The following LSAMP variants were observed in gnomAD, a reference collection of about 807,000 sequenced individuals.
LSAMP encodes limbic system associated membrane protein, also known as limbic system-associated membrane protein.
A neutral mutation model predicts 38.6 loss-of-function variants in LSAMP; 7 were observed. That is an observed-to-expected ratio of 0.18 (90% CI 0.10 to 0.34). LSAMP has a LOEUF of 0.34. Ranked by LOEUF, LSAMP falls within the 10% of genes least tolerant of loss-of-function variation. The probability of loss-of-function intolerance (pLI) is 1.00; values close to 1 mark genes in which losing one functional copy is unlikely to be tolerated. For missense variants in LSAMP, 313 were observed against 420.0 expected (o/e 0.75, Z 2.23); for synonymous variants, 154 against 166.8 (o/e 0.92, Z 0.59).
intron 4 of LSAMP, among the ~76,000 whole-genome samples, chr3:115,844,852 C>G (rs1935105473): frequency 6.6e-6 from 1 of 152,088 alleles, no homozygotes; most frequent in Non-Finnish European, 1.5e-5. Context: ...TGGTGTGTAC[C>G]TGTAGTCCCA....
chr3:116,254,904 A>G (rs78345877), intron 1 of LSAMP, among the ~76,000 whole-genome samples: 8 of 152,310 alleles, frequency 5.3e-5, no homozygotes, highest in Non-Finnish European at 1.2e-4. Flanking sequence ...TATCCTCGGA[A>G]TTGATTTCTG....
At chr3:116,110,716 G>T (rs1708588962) in intron 1 of LSAMP, among the ~76,000 whole-genome samples, 1 of 152,148 alleles carries the variant, frequency 6.6e-6, no homozygotes, top group Non-Finnish European at 1.5e-5. Context: ...GTCATAGGTG[G>T]ATCTTTCTCA....
intron 2 of LSAMP, among the ~76,000 whole-genome samples, chr3:116,074,162 G>T (rs1327687887): frequency 6.6e-6 from 1 of 152,096 alleles, no homozygotes; most frequent in East Asian, 1.9e-4. Context: ...CTAATTCTAA[G>T]GTAGGTGCAC....
rs996848197 is a variant in LSAMP at position 116,009,846 on chromosome 3, C to A, written c.514+9669G>T. Among the ~76,000 whole-genome samples the A allele has an allele frequency of 5.3e-5, 8 of 151,792 alleles. No homozygotes were observed. The South Asian group carries it at 6.2e-4, about 12-fold the overall frequency. Reference sequence around the variant, plus strand: ...CGTGATAGTGTTGAGATCCTTGTCACCACATACATAAAGAAAAAAAAAATC... The same window carrying A: ...CGTGATAGTGTTGAGATCCTTGTCAACACATACATAAAGAAAAAAAAAATC... On this transcript the variant is annotated intron_variant, in intron 3 of 6. Coordinates refer to ENST00000490035, the MANE Select transcript of LSAMP (RefSeq NM_002338.5).
At chr3:115,840,571 TCA>T (rs1934965141) in intron 6 of LSAMP, among the ~76,000 whole-genome samples, 1 of 152,176 alleles carries the variant, frequency 6.6e-6, no homozygotes, top group Non-Finnish European at 1.5e-5. Flanking sequence ...CATCAAACTG[TCA>T]CAGACTGAAG....
chr3:116,173,015 T>C (rs951542119), intron 1 of LSAMP, among the ~76,000 whole-genome samples: 3 of 152,042 alleles, frequency 2.0e-5, no homozygotes, highest in Non-Finnish European at 4.4e-5. Flanking sequence ...TAAATAGTGC[T>C]ATCCACTAAA....
intron 3 of LSAMP, among the ~76,000 whole-genome samples, chr3:115,949,362 A>G (rs187925290): frequency 3.3e-5 from 5 of 152,124 alleles, no homozygotes; most frequent in Admixed American, 3.3e-4. Context: ...CTAATGGTCT[A>G]TCAATTTTGT....
At chr3:116,163,635 C>T (rs921142497) in intron 1 of LSAMP, among the ~76,000 whole-genome samples, 4 of 151,948 alleles carry the variant, frequency 2.6e-5, no homozygotes, top group Non-Finnish European at 4.4e-5. Context: ...AGTTCTAGAT[C>T]CCTGAGGAAT....
At chr3:116,405,188 G>A (rs2048884414) in intron 1 of LSAMP, among the ~76,000 whole-genome samples, 1 of 152,268 alleles carries the variant, frequency 6.6e-6, no homozygotes, top group South Asian at 2.1e-4. Context: ...GTGAGTAGGA[G>A]GCTGGAGTAA....
At chr3:116,108,616 CAG>C (rs1468263790) in intron 1 of LSAMP, among the ~76,000 whole-genome samples, 1 of 152,158 alleles carries the variant, frequency 6.6e-6, no homozygotes, top group Non-Finnish European at 1.5e-5. Context: ...GGGAAGGAGT[CAG>C]AGAGCCTTGG....
intron 2 of LSAMP, among the ~76,000 whole-genome samples, chr3:116,056,525 A>G (rs2107740745): frequency 6.6e-6 from 1 of 152,314 alleles, no homozygotes; most frequent in East Asian, 1.9e-4. Flanking sequence ...GAAAGTAGAA[A>G]GCACAGAATA....
intron 1 of LSAMP, among the ~76,000 whole-genome samples, chr3:116,113,404 A>ATTT (rs1708662101): frequency 1.5e-5 from 1 of 66,980 alleles, no homozygotes; most frequent in African/African-American, 5.6e-5. Flanking sequence ...TTTGCCCTAT[A>ATTT]TATATATATA....
At chr3:115,869,968 T>C (rs1315643875) in intron 3 of LSAMP, among the ~76,000 whole-genome samples, 2 of 152,096 alleles carry the variant, frequency 1.3e-5, no homozygotes, top group African/African-American at 4.8e-5. Flanking sequence ...ATGAGCCAAA[T>C]TTGATCTGAG....
At position 115,911,504 on chromosome 3, in the gene LSAMP, A is replaced by G. The variant is rs1937134727; in HGVS notation, c.515-58887T>C. Among the ~76,000 whole-genome samples the G allele has an allele frequency of 2.0e-5, 3 of 152,114 alleles. No individual in the cohort carries two copies. In the South Asian group the frequency reaches 6.2e-4, roughly 32 times the overall value. ...GTAGCTGGGACTACAGGTGCCTGCC[A>G]CCACGCCTGGCTAATTTTTTGTAGA... is the stretch of plus-strand genomic sequence containing the variant. On this transcript the variant is annotated intron_variant, in intron 3 of 6. Transcript: ENST00000490035.
chr3:115,993,216 A>G (rs1437131244), intron 3 of LSAMP, among the ~76,000 whole-genome samples: 1 of 152,100 alleles, frequency 6.6e-6, no homozygotes, highest in Non-Finnish European at 1.5e-5. Context: ...AAGCCCCCTA[A>G]GTTTTTCTAG....
At chr3:116,273,951 A>G (rs2047014259) in intron 1 of LSAMP, among the ~76,000 whole-genome samples, 1 of 151,662 alleles carries the variant, frequency 6.6e-6, no homozygotes, top group African/African-American at 2.4e-5. Context: ...CCAGAGGACC[A>G]CTAAGGTTCC....
intron 3 of LSAMP, among the ~76,000 whole-genome samples, chr3:115,934,297 G>T (rs558210949): frequency 5.9e-5 from 9 of 151,620 alleles, no homozygotes; most frequent in Admixed American, 2.0e-4. Flanking sequence ...TCAAGCCTCC[G>T]CCTCCCAATA....
At chr3:116,358,902 T>A (rs1302386443) in intron 1 of LSAMP, among the ~76,000 whole-genome samples, 2 of 152,246 alleles carry the variant, frequency 1.3e-5, no homozygotes, top group African/African-American at 4.8e-5. Context: ...TTTGTAATAA[T>A]ATAGAGTACA....
intron 3 of LSAMP, among the ~76,000 whole-genome samples, chr3:116,007,572 G>A (rs1168547327): frequency 6.6e-6 from 1 of 152,128 alleles, no homozygotes; most frequent in African/African-American, 2.4e-5. Flanking sequence ...GAATTTCTGT[G>A]CAGTTGTTAC....
Sources: allele counts gnomAD v4.1 joint callset (sites outside exome capture counted in the v4.1 genomes callset), GRCh38; gene constraint gnomAD v4.1.1; transcripts MANE v1.5; gene names NCBI Gene and HGNC (gene_info 2026-07-23, HGNC 2026-07-21).